The following ATP13A3 variants were observed in gnomAD, a reference collection of about 807,000 sequenced individuals.
ATP13A3 encodes the protein polyamine-transporting ATPase 13A3.
Under a neutral mutation model 158.1 loss-of-function variants are expected in ATP13A3, and 59 were observed. The observed-to-expected ratio is 0.37, with a 90% CI of 0.30 to 0.46. The LOEUF (loss-of-function observed/expected upper bound fraction) is 0.46. Ranked by LOEUF, ATP13A3 falls within the 20% of genes least tolerant of loss-of-function variation. The pLI, the probability that ATP13A3 is intolerant of heterozygous loss-of-function variation, is 1.00. For missense variants in ATP13A3, 1,166 were observed against 1,525.2 expected, an observed-to-expected ratio of 0.76 and a Z score of 3.92; for synonymous variants, 491 against 504.3, an observed-to-expected ratio of 0.97 and a Z score of 0.35.
chr3:194,477,845 G>T (rs910100720), intron 2 of ATP13A3, among the ~76,000 whole-genome samples: 1 of 152,168 alleles, frequency 6.6e-6, no homozygotes, highest in Non-Finnish European at 1.5e-5. Flanking sequence ...GGTAGAGACA[G>T]AGCTGGGGCA....
intron 29 of ATP13A3, 122 bp downstream of exon 29, chr3:194,426,953 A>G: frequency 2.0e-6 from 2 of 1,020,782 alleles, no homozygotes; most frequent in South Asian, 1.6e-5. Context: ...CCAAAGTACT[A>G]GGACTACAGG....
chr3:194,453,741 C>T lies in ATP13A3; in HGVS notation c.803G>A (p.Ser268Asn). 6.2e-7 allele frequency: 1 copy of T among 1,613,708 alleles called. No individual in the cohort carries two copies. The highest frequency in any genetic ancestry group is 1.1e-5 in the South Asian group (1 of 91,058). ...VMLHDMVATH[S>N]TVRVSVCRVN... Reference sequence around the variant, plus strand: ...TCTACAAACTGAAACTCTTACGGTACTATGAGTTGCCACCATGTCATGCAA... The same window carrying T: ...TCTACAAACTGAAACTCTTACGGTATTATGAGTTGCCACCATGTCATGCAA... Residue 268 changes from serine to asparagine, a missense_variant, in exon 10 of 34, where the codon AGT (serine) becomes AAT (asparagine). Physicochemically the swap from Ser to Asn is conservative, Grantham distance 46 (BLOSUM62 1). This residue lies in a region of ATP13A3 where 997 missense variants were observed against 1,341.2 expected (regional missense o/e 0.74). Transcript: ENST00000645319.
Position 194,477,339 on chromosome 3 carries a change from C to A in ATP13A3, c.-47+8455G>T, listed in dbSNP as rs554563031. 5.9e-5 allele frequency among the ~76,000 whole-genome samples: 9 copies of A among 152,342 alleles called. No homozygotes were observed. The South Asian group carries it at 1.9e-3, about 32-fold the overall frequency. The stretch of plus-strand genomic sequence containing the variant: ...GGCTGGGAACCAGGCAAGCATCCAG[C>A]AGTGCAGCTGAATAAAGGAGACAGG... On this transcript the variant is annotated intron_variant, in intron 2 of 33. Transcript: ENST00000645319.
At position 194,413,416 on chromosome 3, in the gene ATP13A3, A is replaced by G. The variant is rs1715581908; in HGVS notation, c.3483+343T>C. ...TGGGAGATTTTACTGTACATCACAA[A>G]ACACAGGTGGCACATGCCAACTCTG... On this transcript the variant is annotated intron_variant, in intron 32 of 33. Coordinates refer to ENST00000645319, the MANE Select transcript of ATP13A3 (RefSeq NM_001367549.1). Among the ~76,000 whole-genome samples the G allele has an allele frequency of 2.0e-5, 3 of 152,184 alleles. No individual in the cohort carries two copies. The South Asian group carries it at 6.2e-4, about 32-fold the overall frequency.
At position 194,427,165 on chromosome 3, in the gene ATP13A3, G is replaced by A; in HGVS notation, c.3035C>T (p.Ser1012Phe). The A allele has an allele frequency of 6.2e-7, 1 of 1,613,730 alleles. No homozygotes were observed. Among genetic ancestry groups the A allele is most frequent in the Non-Finnish European group, 8.5e-7 (1 of 1,179,922 alleles). Residue 1012 changes from serine to phenylalanine, a missense_variant, in exon 29 of 34, where the codon TCT becomes TTT. Ser to Phe is a radical substitution (Grantham distance 155). This residue lies in a region of ATP13A3 where 997 missense variants were observed against 1,341.2 expected (regional missense o/e 0.74). Transcript: ENST00000645319. Reference sequence around the variant, plus strand: ...AAATCCAATGCAGATGATAATCTGAGACAAAACGGAGAAGAGAAGGGCCCC... The same window carrying A: ...AAATCCAATGCAGATGATAATCTGAAACAAAACGGAGAAGAGAAGGGCCCC... ...ISGALLFSVL[S>F]QIIICIGFQS...
chr3:194,480,107 T>C (rs1720691335), intron 2 of ATP13A3, among the ~76,000 whole-genome samples: 1 of 152,204 alleles, frequency 6.6e-6, no homozygotes, highest in South Asian at 2.1e-4. Context: ...ATCTTCAATG[T>C]TACTAAGTTA....
Position 194,448,433 on chromosome 3 carries a change from G to A in ATP13A3, c.1150+24C>T, listed in dbSNP as rs1228165749. The A allele has an allele frequency of 6.2e-7, 1 of 1,604,318 alleles. No homozygotes were observed. Among genetic ancestry groups the A allele is most frequent in the Non-Finnish European group, 8.5e-7 (1 of 1,171,538 alleles). On this transcript the variant is annotated intron_variant, in intron 12 of 33. Transcript: ENST00000645319. This position sits in a 1 kb window ranked among gnomAD's most constrained non-coding sequence, Gnocchi z 4.0. ...TCAAATATGCTGAAACATGCAAAAA[G>A]AGATTAATTAAGATGTTTCCTACCT...
chr3:194,486,365 G>T (rs1237594720), intron 1 of ATP13A3, among the ~76,000 whole-genome samples: 1 of 150,136 alleles, frequency 6.7e-6, no homozygotes, highest in Admixed American at 6.6e-5. Context: ...CAGGCGGCGC[G>T]TCCCCCCCAG....
intron 15 of ATP13A3, among the ~76,000 whole-genome samples, chr3:194,443,683 G>A (rs1718199735): frequency 6.6e-6 from 1 of 151,992 alleles, no homozygotes; most frequent in South Asian, 2.1e-4. Flanking sequence ...TGTCTCTCAA[G>A]CTATATACAC....
rs762835995 is a variant in ATP13A3, at chr3:194,403,156, T to G, written c.*2763A>C. On this transcript the variant is annotated 3_prime_UTR_variant, in exon 34 of 34. Transcript: ENST00000645319. ...GTTTCTGTAACAGACTACATAAACA[T>G]TGATATATTATTTACCATGCCTTTG... 5.9e-5 allele frequency: 9 copies of G among 152,226 alleles called. No individual in the cohort carries two copies. The highest frequency in any genetic ancestry group is 1.7e-4 in the African/African-American group (7 of 41,474). The allele number at this position is 152,226 out of a possible 1,614,324, so 9.4% of individuals were successfully genotyped here. A position where few individuals can be genotyped will look rare whatever the true frequency, so the allele number is the denominator to read the frequency against.
chr3:194,486,076 T>C (rs1341722291), intron 1 of ATP13A3, among the ~76,000 whole-genome samples: 1 of 152,000 alleles, frequency 6.6e-6, no homozygotes, highest in Non-Finnish European at 1.5e-5. Context: ...GGCCCTGGGT[T>C]TTTCTAGTCC....
At chr3:194,446,247 G>A (rs1718395338) in intron 14 of ATP13A3, among the ~76,000 whole-genome samples, 1 of 152,098 alleles carries the variant, frequency 6.6e-6, no homozygotes. Flanking sequence ...CAGTGGTGGG[G>A]AGAGCTGAGG....
At chr3:194,423,898 G>A (rs1332760882) in intron 30 of ATP13A3, among the ~76,000 whole-genome samples, 4 of 150,410 alleles carry the variant, frequency 2.7e-5, no homozygotes, top group Admixed American at 2.6e-4. Context: ...TGATAGAGCT[G>A]TCTTGCTTGC....
rs1029035515 is a variant in ATP13A3 at position 194,465,981 on chromosome 3, C to CA, written c.-46-3746dup. On this transcript the variant is annotated intron_variant, in intron 2 of 33. Transcript: ENST00000645319. Reference sequence around the variant, plus strand: ...TAGGCAACACAGTGAGGCTCCACCTCAAAAAAAAAAAAATTATAAACTTTT... The same window carrying CA: ...TAGGCAACACAGTGAGGCTCCACCTCAAAAAAAAAAAAAATTATAAACTTTT... 1.2e-3 allele frequency among the ~76,000 whole-genome samples: 151 copies of CA among 129,918 alleles called. 1 individual carries two copies. Among genetic ancestry groups the CA allele is most frequent in the African/African-American group, 1.9e-3 (66 of 34,880 alleles). The allele number at this position is 129,918 out of a possible 152,430, so 85.2% of individuals were successfully genotyped here. A position where few individuals can be genotyped will look rare whatever the true frequency, so the allele number is the denominator to read the frequency against.
intron 3 of ATP13A3, 45 bp from the exon 4 acceptor site, chr3:194,460,876 A>C: frequency 6.4e-7 from 1 of 1,562,992 alleles, no homozygotes. Flanking sequence ...AAATGATAAA[A>C]TGATATGGCA....
chr3:194,493,413 G>A (rs1406387977), intron 2 of ATP13A3, among the ~76,000 whole-genome samples: 2 of 152,068 alleles, frequency 1.3e-5, no homozygotes, highest in African/African-American at 2.4e-5. Flanking sequence ...TTGGGAGGCC[G>A]AGGCAGGTGG....
chr3:194,405,679 T>A lies in ATP13A3; in HGVS notation c.*240A>T, dbSNP rs1370655723. On this transcript the variant is annotated 3_prime_UTR_variant, in exon 34 of 34. Transcript: ENST00000645319. ...CAATCAAGAAAATTCTGGAAATGTA[T>A]GTAATATTTGGGTTGCTGAATGAAG... 12 of 430,520 alleles carry A rather than the reference T, an allele frequency of 2.8e-5. No homozygotes were observed. Among genetic ancestry groups the A allele is most frequent in the Middle Eastern group, 6.3e-4 (1 of 1,588 alleles). The allele number at this position is 430,520 out of a possible 1,614,324, so 26.7% of individuals were successfully genotyped here.
At position 194,424,966 on chromosome 3, in the gene ATP13A3, T is replaced by C. The variant is rs544997806; in HGVS notation, c.3313+376A>G. Among the ~76,000 whole-genome samples, 10 of 152,212 alleles carry C rather than the reference T, an allele frequency of 6.6e-5. No homozygotes were observed. In the South Asian group the frequency reaches 2.1e-3, roughly 32 times the overall value. ...TGAGGAACCTCTGTCTCCGCTTCCA[T>C]TCCTAACTCCCTCCGCAGTGGGCTG... On this transcript the variant is annotated intron_variant, in intron 30 of 33. Coordinates refer to ENST00000645319, the MANE Select transcript of ATP13A3 (RefSeq NM_001367549.1).
chr3:194,442,492 C>G (rs1223958095), intron 15 of ATP13A3, among the ~76,000 whole-genome samples: 2 of 151,900 alleles, frequency 1.3e-5, no homozygotes, highest in Non-Finnish European at 2.9e-5. Context: ...AACAGAATGG[C>G]AAATCTGAAA....
Sources: gnomAD v4.1 joint callset for allele counts (sites outside exome capture counted in the v4.1 genomes callset) on GRCh38, gnomAD v4.1.1 for gene constraint, gnomAD v4.1.1 regional missense constraint, Gnocchi (gnomAD v3.1) non-coding constraint, MANE v1.5 for transcripts, NCBI Gene and HGNC (gene_info 2026-07-23, HGNC 2026-07-21) for gene names.